DPEP1: variants seen among roughly 807,000 people sequenced by gnomAD.
The protein encoded by DPEP1 is dipeptidase 1, also known as beta-lactamase.
Under a neutral mutation model 42.3 loss-of-function variants are expected in DPEP1, and 50 were observed. The observed-to-expected ratio is 1.18, with a 90% CI of 0.94 to 1.50. DPEP1 has a LOEUF of 1.50. DPEP1 is among the 40% of genes most tolerant of loss of function. The probability of loss-of-function intolerance (pLI) is 0.00; values close to 1 mark genes in which losing one functional copy is unlikely to be tolerated. For missense variants in DPEP1, 663 were observed against 553.0 expected (o/e 1.20, Z -1.99); for synonymous variants, 297 against 234.0 (o/e 1.27, Z -2.46).
chr16:89,626,217 C>T (rs934033016), intron 1 of DPEP1, among the ~76,000 whole-genome samples: 1 of 152,202 alleles, frequency 6.6e-6, no homozygotes, highest in South Asian at 2.1e-4. Context: ...ACCCAAATCT[C>T]ATCTCAGATT....
At chr16:89,636,790 C>T (rs768462441) in intron 5 of DPEP1, 76 bp from the exon 6 acceptor site, 172 of 1,601,986 alleles carry the variant, frequency 1.1e-4, no homozygotes, top group Middle Eastern at 1.7e-4. Flanking sequence ...AGTCCCAGGC[C>T]GGGCCTCGCC....
chr16:89,627,026 C>T (rs2059522403), intron 1 of DPEP1, among the ~76,000 whole-genome samples: 2 of 151,734 alleles, frequency 1.3e-5, no homozygotes, highest in East Asian at 1.9e-4. Context: ...CTTTGGGAGG[C>T]CGAGGCGGGC....
At chr16:89,614,266 G>A (rs115941338) in intron 1 of DPEP1, among the ~76,000 whole-genome samples, 1,631 of 152,246 alleles carry the variant, frequency 0.011, 27 homozygotes, top group African/African-American at 0.037. Context: ...CCACTGTGCC[G>A]GCTGTTCCTT....
At chr16:89,631,327 C>T (rs1465197848) in intron 2 of DPEP1, among the ~76,000 whole-genome samples, 4 of 152,184 alleles carry the variant, frequency 2.6e-5, no homozygotes, top group Non-Finnish European at 4.4e-5. Context: ...GAATCCGACC[C>T]TCTTCCCCGC....
At chr16:89,640,541 C>G (rs2059735458), downstream of DPEP1, 1 of 984,864 alleles carries the variant, frequency 1.0e-6, no homozygotes, top group East Asian at 1.2e-4. Flanking sequence ...GGGACGCGTC[C>G]TGATCTTCCA....
intron 1 of DPEP1, among the ~76,000 whole-genome samples, chr16:89,618,046 T>TA (rs1341575656): frequency 6.6e-6 from 1 of 152,026 alleles, no homozygotes; most frequent in Admixed American, 6.5e-5. Flanking sequence ...AAAATAAAAA[T>TA]AAAAAATCAT....
chr16:89,639,607 C>G (rs190440570), downstream of DPEP1, among the ~76,000 whole-genome samples: 389 of 150,724 alleles, frequency 2.6e-3, 3 homozygotes, highest in African/African-American at 9.2e-3. Flanking sequence ...CCCCTGCACG[C>G]ACACCCCCTG....
At chr16:89,629,507 C>G (rs573194335) in intron 1 of DPEP1, among the ~76,000 whole-genome samples, 2 of 48,848 alleles carry the variant, frequency 4.1e-5, no homozygotes, top group South Asian at 1.3e-3. Flanking sequence ...CGGGCTCCCC[C>G]CACCCCCCCC....
intron 1 of DPEP1, among the ~76,000 whole-genome samples, chr16:89,615,029 G>A (rs143466783): frequency 9.2e-5 from 14 of 152,276 alleles, no homozygotes; most frequent in Admixed American, 8.5e-4. Context: ...GCTGATTGGC[G>A]TCTGACCCCA....
At chr16:89,624,901 C>T (rs1192777952) in intron 1 of DPEP1, among the ~76,000 whole-genome samples, 1 of 152,108 alleles carries the variant, frequency 6.6e-6, no homozygotes, top group Non-Finnish European at 1.5e-5. Flanking sequence ...AGATTTGGTC[C>T]GTGGCTAATC....
intron 1 of DPEP1, among the ~76,000 whole-genome samples, chr16:89,628,211 C>G (rs758201606): frequency 2.4e-4 from 37 of 151,372 alleles, no homozygotes; most frequent in African/African-American, 9.0e-4. Flanking sequence ...CGTGAGCCAC[C>G]ACACCCGGCC....
intron 1 of DPEP1, among the ~76,000 whole-genome samples, chr16:89,616,207 A>G (rs953714138): frequency 6.6e-6 from 1 of 152,026 alleles, no homozygotes; most frequent in African/African-American, 2.4e-5. Context: ...TGCTGTGGGG[A>G]TAGGGCTCAG....
intron 2 of DPEP1, among the ~76,000 whole-genome samples, chr16:89,635,322 T>C (rs897293734): frequency 6.6e-6 from 1 of 152,164 alleles, no homozygotes; most frequent in African/African-American, 2.4e-5. Flanking sequence ...TAGAAGGATC[T>C]GATTGGAGTT....
chr16:89,635,843 A>G, intron 2 of DPEP1, 65 bp from the exon 3 acceptor site: 1 of 1,517,594 alleles, frequency 6.6e-7, no homozygotes, highest in Admixed American at 2.1e-5. Flanking sequence ...AGAGGCCAGG[A>G]GCTCGGAAGC....
chr16:89,641,220 C>CGG (rs58339247), downstream of DPEP1, among the ~76,000 whole-genome samples: 362 of 151,800 alleles, frequency 2.4e-3, no homozygotes, highest in African/African-American at 8.4e-3. Flanking sequence ...CGGAGGGCTG[C>CGG]GGGGGGGGGT....
chr16:89,637,776 G>A, intron 9 of DPEP1, 60 bp from the exon 10 acceptor site: 5 of 1,612,710 alleles, frequency 3.1e-6, no homozygotes, highest in Admixed American at 1.7e-5. Context: ...GGGATGAGGT[G>A]GCTGGAGGAG....
At chr16:89,637,811 C>T in intron 9 of DPEP1, 25 bp from the exon 10 acceptor site, 1 of 1,612,518 alleles carries the variant, frequency 6.2e-7, no homozygotes, top group Non-Finnish European at 8.5e-7. Flanking sequence ...GTGTGGGGGC[C>T]CAGGTTCTCC....
chr16:89,637,912 G>A lies in DPEP1; in HGVS notation c.1006G>A (p.Ala336Thr), dbSNP rs1229158267. 2 of 1,612,112 alleles carry A rather than the reference G, an allele frequency of 1.2e-6. No individual in the cohort carries two copies. Among genetic ancestry groups the A allele is most frequent in the African/African-American group, 2.7e-5 (2 of 74,892 alleles). ...AELLRRNWTE[A>T]EVKGALADNL... ...GCTGCTCAGGAGGAACTGGACGGAG[G>A]CGGAGGTCAAGGGCGCACTGGCTGA... Residue 336 changes from alanine (A) to threonine (T), a missense_variant, in exon 10 of 11, where the codon GCG becomes ACG. Physicochemically the swap from Ala to Thr is moderately conservative, Grantham distance 58. Transcript: ENST00000690203.
At chr16:89,614,700 C>G (rs933611568) in intron 1 of DPEP1, among the ~76,000 whole-genome samples, 2 of 152,194 alleles carry the variant, frequency 1.3e-5, no homozygotes, top group Non-Finnish European at 2.9e-5. Flanking sequence ...GAGGCTGAAG[C>G]AGGAGAATGG....
Sources: allele counts gnomAD v4.1 joint callset (sites outside exome capture counted in the v4.1 genomes callset), GRCh38; gene constraint gnomAD v4.1.1; transcripts MANE v1.5; gene names NCBI Gene and HGNC (gene_info 2026-07-23, HGNC 2026-07-21).